RGS6: variants seen among roughly 807,000 people sequenced by gnomAD.
The protein encoded by RGS6 is regulator of G-protein signaling 6.
RGS6 carries 30 observed loss-of-function variants against 78.5 expected under a neutral mutation model. The observed-to-expected ratio is 0.38, with a 90% confidence interval of 0.29 to 0.52. The LOEUF is 0.52. Among genes scored for constraint, RGS6 ranks in the 20% least tolerant of loss-of-function variants. The pLI is 0.85. For synonymous variants in RGS6, 206 were observed against 206.0 expected (o/e 1.00, Z 0.00); for missense variants, 495 against 609.7 (o/e 0.81, Z 1.98).
At chr14:72,548,824 G>A (rs928699364) in intron 17 of RGS6, among the ~76,000 whole-genome samples, 3 of 151,926 alleles carry the variant, frequency 2.0e-5, no homozygotes, top group African/African-American at 4.8e-5. Context: ...AAGATAGATA[G>A]GTAGATACTA....
chr14:72,370,773 C>T (rs1358043413), intron 3 of RGS6, among the ~76,000 whole-genome samples: 1 of 152,074 alleles, frequency 6.6e-6, no homozygotes, highest in Non-Finnish European at 1.5e-5. Context: ...GTAAACTGTT[C>T]CCACAGTATT....
At chr14:72,226,452 G>T (rs538797762) in intron 2 of RGS6, among the ~76,000 whole-genome samples, 1 of 152,166 alleles carries the variant, frequency 6.6e-6, no homozygotes, top group African/African-American at 2.4e-5. Context: ...TATATGGATG[G>T]ATCTCTGGGA....
intron 2 of RGS6, among the ~76,000 whole-genome samples, chr14:72,250,213 A>C (rs2055337384): frequency 1.3e-5 from 2 of 151,880 alleles, no homozygotes; most frequent in African/African-American, 4.8e-5. Context: ...CACAATGTGC[A>C]CATGTACCCT....
intron 2 of RGS6, among the ~76,000 whole-genome samples, chr14:72,200,970 A>G (rs1213504478): frequency 9.3e-4 from 50 of 53,826 alleles, no homozygotes; most frequent in Non-Finnish European, 2.1e-3. Context: ...TTAAAAAAAA[A>G]AAAAAAAAAA....
chr14:72,077,060 T>A (rs770776464), intron 2 of RGS6, among the ~76,000 whole-genome samples: 3 of 151,308 alleles, frequency 2.0e-5, no homozygotes, highest in Non-Finnish European at 4.4e-5. Flanking sequence ...CAATTTACAT[T>A]CCTGTAACAG....
chr14:71,963,798 C>G (rs1397341971), intron 1 of RGS6, among the ~76,000 whole-genome samples: 1 of 152,186 alleles, frequency 6.6e-6, no homozygotes, highest in Non-Finnish European at 1.5e-5. Context: ...CCCCTTTTAA[C>G]TATTGTGAAT....
At chr14:72,275,567 C>T (rs2060543535) in intron 2 of RGS6, among the ~76,000 whole-genome samples, 2 of 152,218 alleles carry the variant, frequency 1.3e-5, no homozygotes, top group African/African-American at 4.8e-5. Context: ...GTCTTAATTA[C>T]ATAGAGGCTA....
intron 2 of RGS6, among the ~76,000 whole-genome samples, chr14:72,200,208 A>G (rs2041174458): frequency 6.6e-6 from 1 of 152,172 alleles, no homozygotes; most frequent in South Asian, 2.1e-4. Flanking sequence ...ACTTTCTTAA[A>G]ATAGGATGCT....
At chr14:72,159,503 G>A (rs1318833353) in intron 2 of RGS6, among the ~76,000 whole-genome samples, 8 of 152,228 alleles carry the variant, frequency 5.3e-5, no homozygotes. Context: ...TTGTGATCTT[G>A]TTCAGGTGGC....
intron 2 of RGS6, among the ~76,000 whole-genome samples, chr14:72,149,777 T>C (rs980292886): frequency 6.6e-6 from 1 of 152,224 alleles, no homozygotes; most frequent in South Asian, 2.1e-4. Flanking sequence ...TTTGGGGTCA[T>C]ATATCTCCAA....
At chr14:72,197,695 G>A (rs952693638) in intron 2 of RGS6, among the ~76,000 whole-genome samples, 3 of 151,966 alleles carry the variant, frequency 2.0e-5, no homozygotes, top group Non-Finnish European at 4.4e-5. Context: ...ATGGCATCTC[G>A]GGGCCCAAAT....
chr14:72,263,396 G>C (rs2153892079), intron 2 of RGS6, among the ~76,000 whole-genome samples: 1 of 152,200 alleles, frequency 6.6e-6, no homozygotes, highest in East Asian at 1.9e-4. Flanking sequence ...CTGGAGATTT[G>C]GCTCCAGCCT....
intron 2 of RGS6, among the ~76,000 whole-genome samples, chr14:71,988,054 A>G (rs1431148840): frequency 6.6e-6 from 1 of 152,118 alleles, no homozygotes; most frequent in Non-Finnish European, 1.5e-5. Context: ...GATTTGTGAC[A>G]TATAGTGGCT....
At chr14:72,367,986 T>C (rs766256330) in intron 3 of RGS6, among the ~76,000 whole-genome samples, 36 of 152,282 alleles carry the variant, frequency 2.4e-4, no homozygotes, top group Non-Finnish European at 2.5e-4. Flanking sequence ...CACGATGTTC[T>C]AACTGAATCT....
chr14:72,424,379 T>C (rs1323345909), intron 3 of RGS6, among the ~76,000 whole-genome samples: 5 of 152,172 alleles, frequency 3.3e-5, no homozygotes, highest in Non-Finnish European at 7.4e-5. Flanking sequence ...AATAGAGGCT[T>C]TTTTAGTTCA....
chr14:71,986,574 G>A (rs1413372006), intron 2 of RGS6, among the ~76,000 whole-genome samples: 1 of 151,952 alleles, frequency 6.6e-6, no homozygotes, highest in African/African-American at 2.4e-5. Flanking sequence ...TCTGGGTGTG[G>A]TGGCGTGCAC....
chr14:72,433,198 C>T lies in RGS6; in HGVS notation c.185-21330C>T, dbSNP rs547577777. ...CTGGATCACCTGTCCCCAGAAATTG[C>T]CTGAAAACAAATCACAGGTTGAAAC... On this transcript the variant is annotated intron_variant, in intron 3 of 17. Transcript: ENST00000553525. Among the ~76,000 whole-genome samples the T allele has an allele frequency of 7.2e-5, 11 of 152,202 alleles. No homozygotes were observed. In the South Asian group the frequency reaches 2.1e-3, roughly 29 times the overall value.
chr14:72,260,180 C>T (rs2153882603), intron 2 of RGS6, among the ~76,000 whole-genome samples: 1 of 152,212 alleles, frequency 6.6e-6, no homozygotes, highest in Middle Eastern at 3.4e-3. Flanking sequence ...GATCTGGTGA[C>T]AATAGTCGTT....
chr14:72,233,569 G>A (rs1214642335), intron 2 of RGS6, among the ~76,000 whole-genome samples: 7 of 152,176 alleles, frequency 4.6e-5, no homozygotes, highest in African/African-American at 9.7e-5. Context: ...CACATCAAAG[G>A]TTCTGGGTTG....
Sources: gnomAD v4.1 joint callset for allele counts (sites outside exome capture counted in the v4.1 genomes callset) on GRCh38, gnomAD v4.1.1 for gene constraint, MANE v1.5 for transcripts, NCBI Gene and HGNC (gene_info 2026-07-23, HGNC 2026-07-21) for gene names.